Variants in CWC15 observed in about 807,000 individuals in gnomAD.
CWC15 encodes CWC15 spliceosome associated protein, also known as spliceosome-associated protein CWC15 homolog.
A neutral mutation model predicts 28.4 loss-of-function variants in CWC15; 12 were observed. The observed-to-expected ratio is 0.42, with a 90% CI of 0.27 to 0.69. CWC15 has a LOEUF of 0.69. Among genes scored for constraint, CWC15 ranks in the 30% least tolerant of loss-of-function variants. CWC15 has a pLI of 0.23. For synonymous variants in CWC15, 92 were observed against 88.4 expected (o/e 1.04, Z -0.23); for missense variants, 192 against 271.5 (o/e 0.71, Z 2.06).
At chr11:94,965,808 G>A (rs1239833663) in intron 6 of CWC15, among the ~76,000 whole-genome samples, 1 of 152,154 alleles carries the variant, frequency 6.6e-6, no homozygotes, top group African/African-American at 2.4e-5. Context: ...AGAGCATAGT[G>A]ACACCTGCAC....
chr11:94,972,893 G>A (rs1317387486), intron 1 of CWC15, among the ~76,000 whole-genome samples: 2 of 152,120 alleles, frequency 1.3e-5, no homozygotes, highest in Non-Finnish European at 2.9e-5. Flanking sequence ...CACCCCCAGA[G>A]GATTCTGATG....
chr11:94,970,690 T>C, intron 4 of CWC15: 1 of 383,734 alleles, frequency 2.6e-6, no homozygotes, highest in Non-Finnish European at 4.9e-6. Flanking sequence ...AACACAGCAG[T>C]AGTGCAGTAG....
intron 6 of CWC15, among the ~76,000 whole-genome samples, chr11:94,964,327 A>G (rs1565412377): frequency 6.6e-6 from 1 of 152,176 alleles, no homozygotes; most frequent in Non-Finnish European, 1.5e-5. Flanking sequence ...TGCACATGGG[A>G]ACAAATGTGG....
In CWC15 at chr11:94,963,444, C is replaced by CA; in HGVS notation, c.630dup (p.Val211CysfsTer3). On this transcript the variant is annotated frameshift_variant, in exon 7 of 7. Coordinates refer to ENST00000279839, the MANE Select transcript of CWC15 (RefSeq NM_016403.4). LOFTEE classifies it high-confidence loss of function. Reference sequence around the variant, plus strand: ...AATTCAGATCGCAGTGTGTCATTTACAAATCTTTTGTCTTTCTTCTGGTCA... The same window carrying CA: ...AATTCAGATCGCAGTGTGTCATTTACAAAATCTTTTGTCTTTCTTCTGGTCA... The CA allele has an allele frequency of 6.3e-7, 1 of 1,583,198 alleles. No homozygotes were observed. Among genetic ancestry groups the CA allele is most frequent in the Non-Finnish European group, 8.6e-7 (1 of 1,162,578 alleles).
intron 5 of CWC15, among the ~76,000 whole-genome samples, chr11:94,968,537 C>T (rs1555095680): frequency 6.6e-6 from 1 of 152,122 alleles, no homozygotes; most frequent in African/African-American, 2.4e-5. Context: ...ATTAGGCAAG[C>T]TAAAAAAATT....
chr11:94,969,882 C>T lies in CWC15; in HGVS notation c.441+107G>A, dbSNP rs188159700. ...CTACAAGTGCTATAATATTTAGACA[C>T]GGTAAAGGAGATTTCTAATATAAGA... On this transcript the variant is annotated intron_variant, in intron 5 of 6. Coordinates refer to ENST00000279839, the MANE Select transcript of CWC15 (RefSeq NM_016403.4). 20 of 563,530 alleles carry T rather than the reference C, an allele frequency of 3.5e-5. No individual in the cohort carries two copies. In the Admixed American group the frequency reaches 5.4e-4, roughly 15 times the overall value. 34.9% of individuals were successfully genotyped at this position (563,530 alleles called of 1,614,324 possible). A position where few individuals can be genotyped will look rare whatever the true frequency, so the allele number is the denominator to read the frequency against.
chr11:94,971,067 T>TG lies in CWC15; in HGVS notation c.245-3dup, dbSNP rs782703613. On this transcript the variant is annotated splice_polypyrimidine_tract_variant and splice_region_variant and intron_variant, in intron 3 of 6. Coordinates refer to ENST00000279839, the MANE Select transcript of CWC15 (RefSeq NM_016403.4). ...ACACTGAAGAGGAGGTTGTATGTTC[T>TG]GGGGGGAAACAAAAATCATTTAACT... 1.9e-6 allele frequency: 3 copies of TG among 1,612,338 alleles called. No homozygotes were observed. The highest frequency in any genetic ancestry group is 1.7e-6 in the Non-Finnish European group (2 of 1,178,448).
At position 94,969,923 on chromosome 11, in the gene CWC15, T is replaced by G. The variant is rs1555095909; in HGVS notation, c.441+66A>C. 38 of 962,536 alleles carry G rather than the reference T, an allele frequency of 3.9e-5. 1 individual carries two copies. The South Asian group carries it at 8.3e-4, about 21-fold the overall frequency. 59.6% of individuals were successfully genotyped at this position (962,536 alleles called of 1,614,324 possible). A position where few individuals can be genotyped will look rare whatever the true frequency, so the allele number is the denominator to read the frequency against. ...TAATATAAGAAGATATTACTTATATTCAAAAAAATTTCTACCTTAGTGTAT... is the reference window on the plus strand; with the variant it reads ...TAATATAAGAAGATATTACTTATATGCAAAAAAATTTCTACCTTAGTGTAT... On this transcript the variant is annotated intron_variant, in intron 5 of 6. Transcript: ENST00000279839.
At position 94,963,381 on chromosome 11, in the gene CWC15, T is replaced by C; in HGVS notation, c.*4A>G. ...CAGTCTTTAATTAAGCACATAAAAC[T>C]GTACTATTTAATATATTTCTCCATG... On this transcript the variant is annotated 3_prime_UTR_variant, in exon 7 of 7. Coordinates refer to ENST00000279839, the MANE Select transcript of CWC15 (RefSeq NM_016403.4). 6.4e-7 allele frequency: 1 copy of C among 1,570,886 alleles called. No homozygotes were observed. The highest frequency in any genetic ancestry group is 2.3e-5 in the East Asian group (1 of 43,934).
In CWC15 at chr11:94,971,441, T is replaced by G. The variant is rs781791210; in HGVS notation, c.178A>C (p.Arg60=). Residue 60 remains arginine (R), a synonymous_variant, in exon 3 of 7, where the codon AGG becomes CGG. Coordinates refer to ENST00000279839, the MANE Select transcript of CWC15 (RefSeq NM_016403.4). ...APEEVRNRDF[R]RELEERERAA... is the part of the protein sequence containing the mutation. ...CTCTCTCTTTCTTCCAACTCTCTCCTGAAGTCACGGTTACGAACCTCTTCA... is the reference window on the plus strand; with the variant it reads ...CTCTCTCTTTCTTCCAACTCTCTCCGGAAGTCACGGTTACGAACCTCTTCA... 7 of 1,612,848 alleles carry G rather than the reference T, an allele frequency of 4.3e-6. No homozygotes were observed. The highest frequency in any genetic ancestry group is 5.9e-6 in the Non-Finnish European group (7 of 1,179,378).
intron 4 of CWC15, chr11:94,970,764 TCTCTA>T: frequency 1.8e-6 from 1 of 547,148 alleles, no homozygotes; most frequent in Non-Finnish European, 3.3e-6. Flanking sequence ...CATATTTGGT[TCTCTA>T]GAGATCAAAC....
At position 94,971,590 on chromosome 11, in the gene CWC15, C is replaced by T. The variant is rs1442679014; in HGVS notation, c.132-103G>A. 2.9e-5 allele frequency: 20 copies of T among 682,154 alleles called. 1 individual carries two copies. The highest frequency in any genetic ancestry group is 3.4e-5 in the Non-Finnish European group (14 of 410,770). The allele number at this position is 682,154 out of a possible 1,614,324, so 42.3% of individuals were successfully genotyped here. On this transcript the variant is annotated intron_variant, in intron 2 of 6. Coordinates refer to ENST00000279839, the MANE Select transcript of CWC15 (RefSeq NM_016403.4). Reference sequence around the variant, plus strand: ...GACAATTCAGGAATGAGACTTTGTCCTTCAAGCAGAAAAAAGGGAAGTAGA... The same window carrying T: ...GACAATTCAGGAATGAGACTTTGTCTTTCAAGCAGAAAAAAGGGAAGTAGA...
At chr11:94,972,313 ATCT>A (rs1857733323) in intron 1 of CWC15, 120 bp from the exon 2 acceptor site, 2 of 973,844 alleles carry the variant, frequency 2.1e-6, no homozygotes, top group Admixed American at 3.0e-5. Flanking sequence ...AACCTGCTTA[ATCT>A]TCTTAAACAA....
rs782209354 is a variant in CWC15 at position 94,966,429 on chromosome 11, G to A, written c.442-16C>T. On this transcript the variant is annotated splice_polypyrimidine_tract_variant and intron_variant, in intron 5 of 6. Coordinates refer to ENST00000279839, the MANE Select transcript of CWC15 (RefSeq NM_016403.4). ...GTTCTTGTTCCTGTCAATGATAAAGGAAGATTAACACTTACTTATTTTAAC... is the reference window on the plus strand; with the variant it reads ...GTTCTTGTTCCTGTCAATGATAAAGAAAGATTAACACTTACTTATTTTAAC... 5.4e-6 allele frequency: 8 copies of A among 1,492,094 alleles called. No individual in the cohort carries two copies. The highest frequency in any genetic ancestry group is 2.8e-5 in the African/African-American group (2 of 71,268). The allele number at this position is 1,492,094 out of a possible 1,614,324, so 92.4% of individuals were successfully genotyped here. A position where few individuals can be genotyped will look rare whatever the true frequency, so the allele number is the denominator to read the frequency against.
intron 6 of CWC15, among the ~76,000 whole-genome samples, chr11:94,965,814 T>C (rs1349106083): frequency 6.6e-6 from 1 of 152,222 alleles, no homozygotes; most frequent in Non-Finnish European, 1.5e-5. Context: ...TAGTGACACC[T>C]GCACATGGAT....
At chr11:94,971,325 CT>C in intron 3 of CWC15, 49 bp downstream of exon 3, 2 of 1,436,686 alleles carry the variant, frequency 1.4e-6, no homozygotes, top group Non-Finnish European at 1.9e-6. Context: ...TAAAGAAAAA[CT>C]ATCAACAACA....
Position 94,971,031 on chromosome 11 carries a change from T to C in CWC15, c.279A>G (p.Pro93=). The C allele has an allele frequency of 3.7e-6, 6 of 1,613,870 alleles. No individual in the cohort carries two copies. Among genetic ancestry groups the C allele is most frequent in the Non-Finnish European group, 5.1e-6 (6 of 1,179,750 alleles). Residue 93 remains proline, a synonymous_variant, in exon 4 of 7, where the codon CCA becomes CCG. Transcript: ENST00000279839. ...TGGCGGCAGGAATCTGGTCTAACCG[T>C]GGCTTTTTTGACACTGAAGAGGAGG... ...HTTSSSVSKK[P]RLDQIPAANL... is the part of the protein sequence containing the mutation.
At chr11:94,970,162 T>C (rs1326681695) in intron 4 of CWC15, 66 bp from the exon 5 acceptor site, 7 of 704,614 alleles carry the variant, frequency 9.9e-6, no homozygotes, top group South Asian at 2.3e-5. Context: ...ACAGTACATA[T>C]GTACAACGTA....
Position 94,963,197 on chromosome 11 carries a change from T to C in CWC15, c.*188A>G, listed in dbSNP as rs1857591798. On this transcript the variant is annotated 3_prime_UTR_variant, in exon 7 of 7. Transcript: ENST00000279839. ...CATATCACTGGAAACATTTGGAGAA[T>C]GCAAACTGGGTTAAACCTATTCCCA... 1 of 388,628 alleles carries C rather than the reference T, an allele frequency of 2.6e-6. No individual in the cohort carries two copies. The allele number at this position is 388,628 out of a possible 1,614,324, so 24.1% of individuals were successfully genotyped here. A position where few individuals can be genotyped will look rare whatever the true frequency, so the allele number is the denominator to read the frequency against.
Sources: gnomAD v4.1 joint callset for allele counts (sites outside exome capture counted in the v4.1 genomes callset) on GRCh38, gnomAD v4.1.1 for gene constraint, MANE v1.5 for transcripts, NCBI Gene and HGNC (gene_info 2026-07-23, HGNC 2026-07-21) for gene names.